IPO11: variants seen among roughly 807,000 people sequenced by gnomAD.
IPO11 encodes importin 11.
IPO11 carries 66 observed loss-of-function variants against 143.2 expected under a neutral mutation model. The observed-to-expected ratio is 0.46, with a 90% CI of 0.38 to 0.57. The LOEUF is 0.57. IPO11 is among the 20% of genes least tolerant of loss of function. IPO11 has a pLI of 0.00. For synonymous variants in IPO11, 385 were observed against 377.8 expected, an observed-to-expected ratio of 1.02 and a Z score of -0.22; for missense variants, 1,026 against 1,141.0, an observed-to-expected ratio of 0.90 and a Z score of 1.45.
intron 12 of IPO11, among the ~76,000 whole-genome samples, chr5:62,485,827 A>G (rs1204790445): frequency 2.0e-5 from 3 of 150,000 alleles, no homozygotes; most frequent in African/African-American, 4.9e-5. Flanking sequence ...TCTAGCCTGG[A>G]TTACAAAGCA....
chr5:62,465,984 C>T (rs535248586), intron 5 of IPO11, among the ~76,000 whole-genome samples: 8 of 152,254 alleles, frequency 5.3e-5, no homozygotes, highest in East Asian at 1.9e-4. Flanking sequence ...TTATATTCTG[C>T]GGTGTGTTTT....
chr5:62,548,496 T>C (rs1378570740), intron 24 of IPO11, among the ~76,000 whole-genome samples: 5 of 152,160 alleles, frequency 3.3e-5, no homozygotes, highest in Admixed American at 1.3e-4. Flanking sequence ...TGGGCTCTTA[T>C]AGTCTGGAAG....
chr5:62,619,916 G>T (rs1182441690), intron 29 of IPO11, among the ~76,000 whole-genome samples: 1 of 151,934 alleles, frequency 6.6e-6, no homozygotes, highest in Non-Finnish European at 1.5e-5. Flanking sequence ...CTAAATGCCA[G>T]AAAATTCTGT....
At chr5:62,499,471 A>T (rs903649712) in intron 16 of IPO11, among the ~76,000 whole-genome samples, 11 of 152,114 alleles carry the variant, frequency 7.2e-5, no homozygotes, top group African/African-American at 2.4e-4. Flanking sequence ...ATCACTGTAT[A>T]CCACTGTAGA....
intron 20 of IPO11, among the ~76,000 whole-genome samples, chr5:62,524,941 A>G (rs1742319755): frequency 6.6e-6 from 1 of 152,130 alleles, no homozygotes; most frequent in Admixed American, 6.5e-5. Context: ...ATTATGTTTT[A>G]CAGATTGACT....
intron 19 of IPO11, among the ~76,000 whole-genome samples, chr5:62,509,984 T>C (rs971603347): frequency 4.6e-5 from 7 of 152,340 alleles, no homozygotes; most frequent in African/African-American, 1.4e-4. Context: ...CTACTTTCCA[T>C]AGTGGCTGTA....
chr5:62,500,233 G>T (rs1741302778), intron 16 of IPO11, among the ~76,000 whole-genome samples: 1 of 152,208 alleles, frequency 6.6e-6, no homozygotes, highest in South Asian at 2.1e-4. Flanking sequence ...TGTGAGCCAT[G>T]ATCATGCCAC....
chr5:62,520,609 T>C (rs962379805), intron 20 of IPO11, among the ~76,000 whole-genome samples: 1 of 152,168 alleles, frequency 6.6e-6, no homozygotes, highest in African/African-American at 2.4e-5. Flanking sequence ...CACCTGTGAG[T>C]GAGAACGTGC....
intron 27 of IPO11, among the ~76,000 whole-genome samples, chr5:62,573,393 T>G (rs1353208890): frequency 6.6e-6 from 1 of 152,218 alleles, no homozygotes; most frequent in Non-Finnish European, 1.5e-5. Context: ...TATATTCTGT[T>G]TATCCTAATT....
intron 13 of IPO11, among the ~76,000 whole-genome samples, chr5:62,488,289 CTAAT>C (rs894590276): frequency 3.9e-5 from 6 of 152,326 alleles, no homozygotes; most frequent in Admixed American, 2.0e-4. Context: ...ACACAAGTAA[CTAAT>C]TATCTGCCTA....
At chr5:62,598,141 A>C (rs528084802) in intron 28 of IPO11, among the ~76,000 whole-genome samples, 7 of 152,202 alleles carry the variant, frequency 4.6e-5, no homozygotes, top group African/African-American at 1.7e-4. Context: ...TTCCTTAAAC[A>C]TTCTCCTGCT....
chr5:62,504,896 C>A lies in IPO11; in HGVS notation c.1663C>A (p.Pro555Thr). Reference protein sequence around the residue: ...DFEFRTDQFLPYLETMFTLLF... With the variant: ...DFEFRTDQFLTYLETMFTLLF... ...TGAATTTAGAACAGATCAGTTTCTACCGGTAAGAATATACATTTCCAGGTA... is the reference window on the plus strand; with the variant it reads ...TGAATTTAGAACAGATCAGTTTCTAACGGTAAGAATATACATTTCCAGGTA... Residue 555 changes from proline (P) to threonine (T), a missense_variant and splice_region_variant, in exon 18 of 30, where the codon CCG (proline) becomes ACG (threonine). Pro to Thr is a conservative substitution (Grantham distance 38). Coordinates refer to ENST00000325324, the MANE Select transcript of IPO11 (RefSeq NM_016338.5). 6.5e-7 allele frequency: 1 copy of A among 1,542,922 alleles called. No homozygotes were observed. Among genetic ancestry groups the A allele is most frequent in the Non-Finnish European group, 8.8e-7 (1 of 1,133,148 alleles).
intron 24 of IPO11, among the ~76,000 whole-genome samples, chr5:62,541,443 G>A (rs1016966215): frequency 5.3e-5 from 8 of 151,980 alleles, no homozygotes; most frequent in African/African-American, 1.9e-4. Context: ...ACCTTGGGAG[G>A]CTGAGGCAGG....
intron 20 of IPO11, among the ~76,000 whole-genome samples, chr5:62,516,254 CT>C (rs1254601249): frequency 6.6e-6 from 1 of 151,988 alleles, no homozygotes; most frequent in Non-Finnish European, 1.5e-5. Flanking sequence ...AGCTTTGATA[CT>C]TTTTTGAACA....
intron 20 of IPO11, among the ~76,000 whole-genome samples, chr5:62,520,750 T>C (rs1426991430): frequency 6.6e-6 from 1 of 152,250 alleles, no homozygotes; most frequent in Non-Finnish European, 1.5e-5. Context: ...ATCCAGTCTA[T>C]CATTGATGGA....
At chr5:62,447,980 G>A (rs1744779128) in intron 3 of IPO11, among the ~76,000 whole-genome samples, 1 of 152,080 alleles carries the variant, frequency 6.6e-6, no homozygotes, top group South Asian at 2.1e-4. Context: ...CTCCCAGAGT[G>A]CAGGGATTAC....
intron 1 of IPO11, among the ~76,000 whole-genome samples, chr5:62,419,887 A>G (rs1487929806): frequency 2.0e-5 from 3 of 152,074 alleles, no homozygotes; most frequent in Admixed American, 6.6e-5. Flanking sequence ...CCAAGTCTCA[A>G]CTATTCAGGA....
chr5:62,585,947 T>G (rs1273798950), intron 27 of IPO11, among the ~76,000 whole-genome samples: 2 of 152,194 alleles, frequency 1.3e-5, no homozygotes, highest in Non-Finnish European at 2.9e-5. Context: ...TGCTTTTTAC[T>G]CAGATAAGGA....
intron 22 of IPO11, 47 bp from the exon 23 acceptor site, chr5:62,536,655 G>A: frequency 6.4e-7 from 1 of 1,555,356 alleles, no homozygotes; most frequent in Non-Finnish European, 8.6e-7. Context: ...CTAATTTTGA[G>A]CAGTGAATTA....
Sources: gnomAD v4.1 joint callset for allele counts (sites outside exome capture counted in the v4.1 genomes callset) on GRCh38, gnomAD v4.1.1 for gene constraint, MANE v1.5 for transcripts, NCBI Gene and HGNC (gene_info 2026-07-23, HGNC 2026-07-21) for gene names.